The following GUCY1A2 variants were observed in gnomAD, a reference collection of about 807,000 sequenced individuals.
The protein encoded by GUCY1A2 is guanylate cyclase 1 soluble subunit alpha 2.
In GUCY1A2, 27 loss-of-function variants were observed where a neutral mutation model predicts 63.5. The ratio of observed to expected loss-of-function variants is 0.43; its 90% confidence interval spans 0.31 to 0.59. GUCY1A2 has a LOEUF of 0.59. Ranked by LOEUF, GUCY1A2 falls within the 20% of genes least tolerant of loss-of-function variation. GUCY1A2 has a pLI of 0.11. For missense variants in GUCY1A2, 768 were observed against 913.3 expected, an observed-to-expected ratio of 0.84 and a Z score of 2.05; for synonymous variants, 364 against 343.5, an observed-to-expected ratio of 1.06 and a Z score of -0.66.
intron 1 of GUCY1A2, among the ~76,000 whole-genome samples, chr11:106,992,766 TATC>T (rs1273815593): frequency 4.5e-4 from 68 of 152,186 alleles, no homozygotes; most frequent in Admixed American, 4.5e-3. Flanking sequence ...ATCAAAGCCA[TATC>T]AACAAGAAAA....
intron 6 of GUCY1A2, among the ~76,000 whole-genome samples, chr11:106,773,680 CAGACTTTCAA>C (rs904698847): frequency 7.9e-5 from 12 of 152,300 alleles, no homozygotes; most frequent in African/African-American, 2.6e-4. Flanking sequence ...GTGGCACTGT[CAGACTTTCAA>C]AGTTGTGTCA....
rs892664232 is a variant in GUCY1A2 at position 106,878,798 on chromosome 11, A to G, written c.1206+60662T>C. Among the ~76,000 whole-genome samples, 9 of 151,294 alleles carry G rather than the reference A, an allele frequency of 5.9e-5. No homozygotes were observed. The South Asian group carries it at 1.2e-3, about 21-fold the overall frequency. On this transcript the variant is annotated intron_variant, in intron 4 of 7. Coordinates refer to ENST00000526355, the MANE Select transcript of GUCY1A2 (RefSeq NM_000855.3). ...CTTAAAAGTTAAAAAAAAAAAAAAA[A>G]AAGAAGAAGTTGGAAAGGGGAAGCA...
At position 106,912,611 on chromosome 11, in the gene GUCY1A2, C is replaced by T. The variant is rs79352945; in HGVS notation, c.1206+26849G>A. On this transcript the variant is annotated intron_variant, in intron 4 of 7. Coordinates refer to ENST00000526355, the MANE Select transcript of GUCY1A2 (RefSeq NM_000855.3). ...TGGGGTGAGGTTTAACTGTGCAGTT[C>T]TCTATATTCAATCATTATGAAGGCT... is the stretch of plus-strand genomic sequence containing the variant. 4.9e-3 allele frequency among the ~76,000 whole-genome samples: 741 copies of T among 152,174 alleles called. 7 individuals are homozygous for T. The highest frequency in any genetic ancestry group is 0.016 in the African/African-American group (684 of 41,552).
chr11:106,730,085 T>TA (rs1863475833), intron 6 of GUCY1A2, among the ~76,000 whole-genome samples: 1 of 129,038 alleles, frequency 7.7e-6, no homozygotes, highest in African/African-American at 3.0e-5. Flanking sequence ...TATATATATA[T>TA]ATATATATAT....
intron 5 of GUCY1A2, among the ~76,000 whole-genome samples, chr11:106,793,583 A>G (rs1455348116): frequency 6.6e-6 from 1 of 152,178 alleles, no homozygotes; most frequent in Non-Finnish European, 1.5e-5. Flanking sequence ...AAGGGGAGAA[A>G]ATATTTGCAA....
intron 6 of GUCY1A2, among the ~76,000 whole-genome samples, chr11:106,735,221 T>C (rs1198687791): frequency 1.3e-5 from 2 of 152,128 alleles, no homozygotes; most frequent in Non-Finnish European, 1.5e-5. Flanking sequence ...TGCTATCAGA[T>C]ACTACATCTT....
In GUCY1A2 at chr11:106,936,698, G is replaced by A. The variant is rs528642973; in HGVS notation, c.1206+2762C>T. On this transcript the variant is annotated intron_variant, in intron 4 of 7. Coordinates refer to ENST00000526355, the MANE Select transcript of GUCY1A2 (RefSeq NM_000855.3). The stretch of plus-strand genomic sequence containing the variant: ...CTGATAACTGCGTCAGATGCCCCTC[G>A]GTGACATGCTTGCTCTTGATTTTTT... 9.8e-5 allele frequency: 149 copies of A among 1,522,716 alleles called. No homozygotes were observed. In the Admixed American group the frequency reaches 1.2e-3, roughly 12 times the overall value. 94.3% of individuals were successfully genotyped at this position (1,522,716 alleles called of 1,614,324 possible). A position where few individuals can be genotyped will look rare whatever the true frequency, so the allele number is the denominator to read the frequency against.
At chr11:106,878,761 T>G (rs1428460134) in intron 4 of GUCY1A2, among the ~76,000 whole-genome samples, 1 of 143,664 alleles carries the variant, frequency 7.0e-6, no homozygotes, top group Admixed American at 7.1e-5. Flanking sequence ...AACCTGCACG[T>G]GTACCTTTCA....
intron 4 of GUCY1A2, chr11:106,936,680 C>T (rs1184083129): frequency 6.5e-7 from 1 of 1,532,494 alleles, no homozygotes. Flanking sequence ...CCACTGATAA[C>T]TGCGTCAGAT....
At chr11:106,877,998 G>A (rs1253781655) in intron 4 of GUCY1A2, among the ~76,000 whole-genome samples, 1 of 151,452 alleles carries the variant, frequency 6.6e-6, no homozygotes, top group Non-Finnish European at 1.5e-5. Context: ...TTCAAAAAAG[G>A]TATACAAGCA....
Position 106,908,463 on chromosome 11 carries a change from A to T in GUCY1A2, c.1206+30997T>A, listed in dbSNP as rs114724407. 3.5e-3 allele frequency among the ~76,000 whole-genome samples: 525 copies of T among 152,120 alleles called. 5 individuals carry two copies. Among genetic ancestry groups the T allele is most frequent in the African/African-American group, 0.012 (489 of 41,546 alleles). On this transcript the variant is annotated intron_variant, in intron 4 of 7. Transcript: ENST00000526355. ...CATGCAAAATGTTACAAATTTTACA[A>T]GGATATACCTATACATAAAGCAGAA... is the stretch of plus-strand genomic sequence containing the variant.
intron 4 of GUCY1A2, among the ~76,000 whole-genome samples, chr11:106,819,101 GAA>G (rs1373603203): frequency 1.1e-4 from 17 of 152,132 alleles, no homozygotes; most frequent in Admixed American, 2.6e-4. Context: ...AAAAGCACTA[GAA>G]TTAGATGTTG....
At chr11:107,010,166 G>C (rs777924362) in intron 1 of GUCY1A2, among the ~76,000 whole-genome samples, 1 of 151,956 alleles carries the variant, frequency 6.6e-6, no homozygotes, top group South Asian at 2.1e-4. Context: ...CAAATTTCCC[G>C]CCTTCCAAGA....
At chr11:106,790,145 A>G (rs1864631786) in intron 5 of GUCY1A2, among the ~76,000 whole-genome samples, 1 of 152,152 alleles carries the variant, frequency 6.6e-6, no homozygotes, top group Non-Finnish European at 1.5e-5. Context: ...GGACTGGAAT[A>G]AAAAAACTTG....
intron 3 of GUCY1A2, among the ~76,000 whole-genome samples, chr11:106,959,570 A>C (rs1565344131): frequency 6.6e-6 from 1 of 152,180 alleles, no homozygotes; most frequent in Non-Finnish European, 1.5e-5. Context: ...CATTGCCTTC[A>C]GCTGAAGAGA....
chr11:106,834,758 G>A (rs7925005), intron 4 of GUCY1A2, among the ~76,000 whole-genome samples: 10 of 152,014 alleles, frequency 6.6e-5, no homozygotes, highest in Non-Finnish European at 1.2e-4. Flanking sequence ...AGCTGAAAGC[G>A]CATACTTAAG....
At chr11:106,736,513 A>G (rs966176074) in intron 6 of GUCY1A2, among the ~76,000 whole-genome samples, 2 of 152,118 alleles carry the variant, frequency 1.3e-5, no homozygotes. Context: ...TGCCAGTACC[A>G]TGCTGTTTTG....
chr11:106,845,119 C>G (rs1241296243), intron 4 of GUCY1A2, among the ~76,000 whole-genome samples: 1 of 151,646 alleles, frequency 6.6e-6, no homozygotes, highest in Non-Finnish European at 1.5e-5. Flanking sequence ...TCAATCCTGG[C>G]TGTACATTAG....
intron 7 of GUCY1A2, among the ~76,000 whole-genome samples, chr11:106,696,020 T>C (rs951944662): frequency 2.6e-5 from 4 of 151,998 alleles, no homozygotes; most frequent in Non-Finnish European, 5.9e-5. Context: ...ACCCCAGGAG[T>C]AGGTACTGAT....
Sources: allele counts gnomAD v4.1 joint callset (sites outside exome capture counted in the v4.1 genomes callset), GRCh38; gene constraint gnomAD v4.1.1; transcripts MANE v1.5; gene names NCBI Gene and HGNC (gene_info 2026-07-23, HGNC 2026-07-21).